The following BTBD16 variants were observed in gnomAD, a reference collection of about 807,000 sequenced individuals.
BTBD16 encodes the protein BTB domain containing 16, also known as BTB/POZ domain-containing protein 16.
BTBD16 carries 66 observed loss-of-function variants against 67.4 expected under a neutral mutation model. That is an observed-to-expected ratio of 0.98 (90% confidence interval 0.80 to 1.20). The LOEUF is 1.20. Ranked by LOEUF, BTBD16 falls within the 50% of genes most tolerant of loss-of-function variation. The probability of loss-of-function intolerance (pLI) is 0.00; values close to 1 mark genes in which losing one functional copy is unlikely to be tolerated. For synonymous variants in BTBD16, 242 were observed against 236.4 expected (o/e 1.02, Z -0.22); for missense variants, 634 against 616.0 (o/e 1.03, Z -0.31).
chr10:122,292,061 C>T (rs1319672861), intron 7 of BTBD16, among the ~76,000 whole-genome samples: 1 of 152,186 alleles, frequency 6.6e-6, no homozygotes, highest in Non-Finnish European at 1.5e-5. Context: ...AGGAAACACA[C>T]CCTGGAGGGG....
rs540728925 is a variant in BTBD16 at position 122,290,345 on chromosome 10, G to A, written c.475+347G>A. Among the ~76,000 whole-genome samples the A allele has an allele frequency of 6.6e-5, 10 of 152,280 alleles. No individual in the cohort carries two copies. In the South Asian group the frequency reaches 2.1e-3, roughly 32 times the overall value. On this transcript the variant is annotated intron_variant, in intron 6 of 15. Transcript: ENST00000260723. ...CCACCCAGGGAAGCCATCAGGCCCA[G>A]CCTTGCTCCCAAATAACACTTTACC...
At chr10:122,320,343 AC>A (rs1184082554) in intron 10 of BTBD16, among the ~76,000 whole-genome samples, 2 of 151,996 alleles carry the variant, frequency 1.3e-5, no homozygotes, top group African/African-American at 2.4e-5. Flanking sequence ...TTTTATAGAT[AC>A]CCTTTATCAT....
At chr10:122,287,605 C>G (rs1488570198) in intron 5 of BTBD16, 1 of 405,802 alleles carries the variant, frequency 2.5e-6, no homozygotes, top group African/African-American at 2.2e-5. Flanking sequence ...TAGGAACAGT[C>G]ACAGTCCTTC....
rs145189865 is a variant in BTBD16, at chr10:122,326,922, C to T, written c.912-2558C>T. ...AAACCATGCCAGTCTTTGAGTCCAC[C>T]AGTGTAGCCAAGCACTGTAGTCCCC... is the stretch of plus-strand genomic sequence containing the variant. On this transcript the variant is annotated intron_variant, in intron 10 of 15. Coordinates refer to ENST00000260723, the MANE Select transcript of BTBD16 (RefSeq NM_144587.5). 1.5e-4 allele frequency among the ~76,000 whole-genome samples: 23 copies of T among 152,344 alleles called. No individual in the cohort carries two copies. The East Asian group carries it at 4.1e-3, about 27-fold the overall frequency.
At position 122,283,893 on chromosome 10, in the gene BTBD16, C is replaced by T; in HGVS notation, c.210C>T (p.Phe70=). ...SQIQKFFFEN[F]KNKDIQSGEA... ...TCCAGAAGTTTTTCTTTGAGAATTT[C>T]AAGAACAAGGACATCCAAAGTGGGG... Residue 70 remains phenylalanine (F), a synonymous_variant, in exon 4 of 16, where the codon TTC becomes TTT. Transcript: ENST00000260723. 6.2e-7 allele frequency: 1 copy of T among 1,613,980 alleles called. No individual in the cohort carries two copies. The highest frequency in any genetic ancestry group is 1.1e-5 in the South Asian group (1 of 91,080).
chr10:122,336,463 T>C lies in BTBD16; in HGVS notation c.1264-31T>C, dbSNP rs536299194. ...TAACTCTGGGCCACCCCGATTGCAG[T>C]TCCACCTAAGGTGAATCACTCTCTT... On this transcript the variant is annotated intron_variant, in intron 14 of 15. Transcript: ENST00000260723. The C allele has an allele frequency of 5.8e-6, 9 of 1,562,584 alleles. No homozygotes were observed. The African/African-American group carries it at 1.1e-4, about 19-fold the overall frequency.
chr10:122,291,185 T>C lies in BTBD16; in HGVS notation c.581T>C (p.Leu194Pro), dbSNP rs746985229. The change falls in exon 7 of 16, where the codon CTG becomes CCG. Residue 194 changes from leucine (L) to proline (P), a missense_variant. Coordinates refer to ENST00000260723, the MANE Select transcript of BTBD16 (RefSeq NM_144587.5). ...GCCCACATCCTCCAGTTCAGTGGCC[T>C]GTTTCAAAGGTAAGGAAACAAGGCT... ...ASAHILQFSG[L>P]FQRCVDVMIA... 5 of 1,611,496 alleles carry C rather than the reference T, an allele frequency of 3.1e-6. No homozygotes were observed. The South Asian group carries it at 4.4e-5, about 14-fold the overall frequency.
At chr10:122,274,856 C>A (rs57883361) in intron 1 of BTBD16, among the ~76,000 whole-genome samples, 184 bp from the exon 2 acceptor site, 8 of 148,348 alleles carry the variant, frequency 5.4e-5, no homozygotes, top group Non-Finnish European at 1.2e-4. Context: ...ACAAAAAAAA[C>A]AAAAAACAAA....
At chr10:122,282,114 C>A (rs2096354419) in intron 3 of BTBD16, among the ~76,000 whole-genome samples, 1 of 152,240 alleles carries the variant, frequency 6.6e-6, no homozygotes, top group African/African-American at 2.4e-5. Flanking sequence ...GTGCTCACCT[C>A]TGTTTCCCGG....
At chr10:122,335,143 A>T (rs546871068) in intron 14 of BTBD16, among the ~76,000 whole-genome samples, 164 bp downstream of exon 14, 1 of 152,240 alleles carries the variant, frequency 6.6e-6, no homozygotes, top group Non-Finnish European at 1.5e-5. Context: ...TTTGATTTTT[A>T]CAACAACCTT....
chr10:122,326,040 A>G (rs554501697), intron 10 of BTBD16, among the ~76,000 whole-genome samples: 107 of 110,762 alleles, frequency 9.7e-4, no homozygotes, highest in African/African-American at 4.1e-3. Flanking sequence ...ATATTTTGAG[A>G]AAAAAAAAAA....
In BTBD16 at chr10:122,313,288, G is replaced by A. The variant is rs188447836; in HGVS notation, c.911+5980G>A. Among the ~76,000 whole-genome samples the A allele has an allele frequency of 6.2e-3, 818 of 132,258 alleles. 2 individuals carry two copies. The highest frequency in any genetic ancestry group is 0.014 in the Middle Eastern group (3 of 216). 86.8% of individuals were successfully genotyped at this position (132,258 alleles called of 152,430 possible). A position where few individuals can be genotyped will look rare whatever the true frequency, so the allele number is the denominator to read the frequency against. On this transcript the variant is annotated intron_variant, in intron 10 of 15. Coordinates refer to ENST00000260723, the MANE Select transcript of BTBD16 (RefSeq NM_144587.5). ...TTTTTTTTGTTTTTTTTTTTGAGAT[G>A]GAGTCTCACTGTGTCACCCAAGCTA...
At chr10:122,334,356 T>C (rs1021521225) in intron 13 of BTBD16, among the ~76,000 whole-genome samples, 2 of 151,182 alleles carry the variant, frequency 1.3e-5, no homozygotes, top group African/African-American at 2.4e-5. Context: ...CCACCACGCC[T>C]GGCTAATTTT....
chr10:122,287,988 A>C (rs1437106602), intron 5 of BTBD16, among the ~76,000 whole-genome samples: 2 of 152,180 alleles, frequency 1.3e-5, no homozygotes, highest in Non-Finnish European at 2.9e-5. Flanking sequence ...CTGAATTCCT[A>C]TCTTTCACTT....
intron 10 of BTBD16, among the ~76,000 whole-genome samples, chr10:122,325,728 T>C (rs11200554): frequency 0.34 from 51,533 of 151,472 alleles, 9,070 homozygotes; most frequent in Non-Finnish European, 0.38. Flanking sequence ...CAGGCTGGAG[T>C]GCAGTAGCAT....
chr10:122,275,278 T>C (rs142983172), intron 2 of BTBD16, among the ~76,000 whole-genome samples, 179 bp downstream of exon 2: 20 of 152,284 alleles, frequency 1.3e-4, no homozygotes, highest in African/African-American at 4.8e-4. Context: ...GAGAGCAGGC[T>C]TGTGGTCTGA....
chr10:122,316,267 A>AGAAAC, intron 10 of BTBD16, among the ~76,000 whole-genome samples: 1 of 152,254 alleles, frequency 6.6e-6, no homozygotes, highest in East Asian at 1.9e-4. Context: ...ACTCCAACTC[A>AGAAAC]AAAACAAAAC....
intron 9 of BTBD16, among the ~76,000 whole-genome samples, chr10:122,301,317 A>G (rs1182110384): frequency 6.6e-6 from 1 of 152,142 alleles, no homozygotes; most frequent in Non-Finnish European, 1.5e-5. Context: ...AGCCTGACAA[A>G]CGTATGCTGG....
intron 8 of BTBD16, 63 bp downstream of exon 8, chr10:122,297,900 C>T: frequency 6.6e-7 from 1 of 1,509,204 alleles, no homozygotes; most frequent in Non-Finnish European, 9.2e-7. Flanking sequence ...AGCCTAGATG[C>T]TGGGATTTTA....
Sources: allele counts gnomAD v4.1 joint callset (sites outside exome capture counted in the v4.1 genomes callset), GRCh38; gene constraint gnomAD v4.1.1; transcripts MANE v1.5; gene names NCBI Gene and HGNC (gene_info 2026-07-23, HGNC 2026-07-21).